EYA1: variants seen among roughly 807,000 people sequenced by gnomAD.
EYA1 encodes the protein protein phosphatase EYA1.
A neutral mutation model predicts 82.0 loss-of-function variants in EYA1; 16 were observed. The ratio of observed to expected loss-of-function variants is 0.20; its 90% CI spans 0.13 to 0.30. The LOEUF is 0.30. Ranked by LOEUF, EYA1 falls within the 10% of genes least tolerant of loss-of-function variation. The pLI, the probability that EYA1 is intolerant of heterozygous loss-of-function variation, is 1.00. For synonymous variants in EYA1, 261 were observed against 264.4 expected (o/e 0.99, Z 0.12); for missense variants, 633 against 730.7 (o/e 0.87, Z 1.54).
At chr8:71,320,862 C>A (rs1822459741) in intron 6 of EYA1, among the ~76,000 whole-genome samples, 1 of 151,956 alleles carries the variant, frequency 6.6e-6, no homozygotes, top group Non-Finnish European at 1.5e-5. Context: ...ATACTGGTCA[C>A]AAAAAATTCT....
intron 9 of EYA1, among the ~76,000 whole-genome samples, chr8:71,276,737 C>T (rs1817222184): frequency 6.6e-6 from 1 of 152,124 alleles, no homozygotes; most frequent in Admixed American, 6.6e-5. Context: ...TCTGCTTCAG[C>T]CTTATAGTGT....
At chr8:71,512,348 G>GT (rs1812664457) in intron 2 of EYA1, among the ~76,000 whole-genome samples, 1 of 150,364 alleles carries the variant, frequency 6.7e-6, no homozygotes, top group Admixed American at 6.6e-5. Context: ...TCAGAAAAAA[G>GT]TTTTTAAAAA....
rs887949866 is a variant in EYA1 at position 71,243,414 on chromosome 8, TA to T, written c.1140+1188del. ...TCACTCAATGGGAATATTTCTACCTTAAAAAAATAGTAATGCCTTACATGTA... is the reference window on the plus strand; with the variant it reads ...TCACTCAATGGGAATATTTCTACCTTAAAAAATAGTAATGCCTTACATGTA... On this transcript the variant is annotated intron_variant, in intron 12 of 17. Transcript: ENST00000340726. Among the ~76,000 whole-genome samples the T allele has an allele frequency of 5.9e-5, 9 of 152,244 alleles. No homozygotes were observed. The East Asian group carries it at 1.2e-3, about 20-fold the overall frequency.
intron 2 of EYA1, among the ~76,000 whole-genome samples, chr8:71,399,481 G>GT (rs1354434277): frequency 6.6e-6 from 1 of 152,058 alleles, no homozygotes; most frequent in Non-Finnish European, 1.5e-5. Flanking sequence ...ACATATCTTT[G>GT]TTTTAACTTT....
chr8:71,200,740 C>T (rs1474941886), intron 17 of EYA1, among the ~76,000 whole-genome samples: 1 of 151,806 alleles, frequency 6.6e-6, no homozygotes, highest in Non-Finnish European at 1.5e-5. Context: ...CGCTGCCTAC[C>T]CTATTTTGAG....
intron 2 of EYA1, among the ~76,000 whole-genome samples, chr8:71,463,455 A>G (rs966431098): frequency 1.3e-5 from 2 of 152,244 alleles, no homozygotes; most frequent in African/African-American, 4.8e-5. Context: ...TTCATGTATC[A>G]TGACACAAAA....
chr8:71,479,673 C>T (rs537684413), intron 2 of EYA1, among the ~76,000 whole-genome samples: 1 of 142,224 alleles, frequency 7.0e-6, no homozygotes, highest in Non-Finnish European at 1.5e-5. Flanking sequence ...TTGGGGATAC[C>T]ATTTTAGAGC....
chr8:71,522,724 T>C (rs1332001871), intron 2 of EYA1, among the ~76,000 whole-genome samples: 1 of 151,630 alleles, frequency 6.6e-6, no homozygotes, highest in African/African-American at 2.4e-5. Context: ...GCTCAAGTGC[T>C]CCTGCCTCCC....
intron 14 of EYA1, 53 bp from the exon 15 acceptor site, chr8:71,215,781 G>A (rs189471908): frequency 3.2e-4 from 379 of 1,201,378 alleles, no homozygotes; most frequent in East Asian, 1.6e-3. Flanking sequence ...ATATTTCTTC[G>A]GCTTTGCAAG....
At chr8:71,367,446 A>T (rs1164535759) in intron 2 of EYA1, among the ~76,000 whole-genome samples, 5 of 152,078 alleles carry the variant, frequency 3.3e-5, no homozygotes, top group African/African-American at 1.2e-4. Context: ...ACTACAAAGG[A>T]ATTGCCAGAG....
At chr8:71,274,907 C>T (rs80016922) in intron 9 of EYA1, among the ~76,000 whole-genome samples, 5 of 110,238 alleles carry the variant, frequency 4.5e-5, no homozygotes, top group African/African-American at 1.8e-4. Flanking sequence ...AGAGAGTGAG[C>T]GAGCGAGAGA....
chr8:71,269,971 A>G, intron 10 of EYA1, 148 bp from the exon 11 acceptor site: 1 of 696,990 alleles, frequency 1.4e-6, no homozygotes, highest in Non-Finnish European at 2.6e-6. Flanking sequence ...ACTGTTTCAA[A>G]GAGTATCTCC....
At chr8:71,230,357 G>T (rs1811049207) in intron 12 of EYA1, among the ~76,000 whole-genome samples, 1 of 152,154 alleles carries the variant, frequency 6.6e-6, no homozygotes, top group Non-Finnish European at 1.5e-5. Flanking sequence ...ACACTGACAG[G>T]TCCATTTCAC....
chr8:71,349,624 G>A (rs1031816688), intron 3 of EYA1, among the ~76,000 whole-genome samples: 36 of 152,108 alleles, frequency 2.4e-4, no homozygotes, highest in African/African-American at 8.0e-4. Flanking sequence ...TTAATACTGA[G>A]CACTTATAAG....
intron 1 of EYA1, among the ~76,000 whole-genome samples, chr8:71,540,053 C>T (rs10957555): frequency 0.3 from 45,030 of 151,958 alleles, 7,261 homozygotes; most frequent in South Asian, 0.43. Context: ...ATTTTATGCC[C>T]TATTGCAATC....
chr8:71,544,791 T>G (rs1050508445), intron 1 of EYA1, among the ~76,000 whole-genome samples: 9 of 152,208 alleles, frequency 5.9e-5, no homozygotes, highest in African/African-American at 2.2e-4. Context: ...ATTCAAATTC[T>G]TCTGCAAATG....
intron 3 of EYA1, among the ~76,000 whole-genome samples, chr8:71,343,895 A>T (rs1274220423): frequency 6.6e-6 from 1 of 152,188 alleles, no homozygotes; most frequent in Admixed American, 6.5e-5. Flanking sequence ...CTCCAATATT[A>T]TGCTATAAAA....
At chr8:71,287,280 T>C (rs1394159428) in intron 9 of EYA1, among the ~76,000 whole-genome samples, 1 of 152,186 alleles carries the variant, frequency 6.6e-6, no homozygotes, top group African/African-American at 2.4e-5. Context: ...CAAAAAACTT[T>C]TGTAAAATAA....
chr8:71,461,363 C>T (rs1417330406), intron 2 of EYA1, among the ~76,000 whole-genome samples: 1 of 152,138 alleles, frequency 6.6e-6, no homozygotes, highest in African/African-American at 2.4e-5. Flanking sequence ...CATGGTGGGG[C>T]AGGCAGCTCC....
Sources: allele counts gnomAD v4.1 joint callset (sites outside exome capture counted in the v4.1 genomes callset), GRCh38; gene constraint gnomAD v4.1.1; transcripts MANE v1.5; gene names NCBI Gene and HGNC (gene_info 2026-07-23, HGNC 2026-07-21).